The following ULK4 variants were observed in gnomAD, a reference collection of about 807,000 sequenced individuals.
ULK4 encodes inactive serine/threonine-protein kinase ULK4.
A neutral mutation model predicts 160.6 loss-of-function variants in ULK4; 133 were observed. The ratio of observed to expected loss-of-function variants is 0.83; its 90% CI spans 0.72 to 0.96. The LOEUF (loss-of-function observed/expected upper bound fraction) is 0.96, where lower values mean the gene tolerates loss of function less well. Among genes scored for constraint, ULK4 ranks in the 40% least tolerant of loss-of-function variants. The pLI is 0.00. For synonymous variants in ULK4, 534 were observed against 539.8 expected (o/e 0.99, Z 0.15); for missense variants, 1,580 against 1,499.5 (o/e 1.05, Z -0.89).
chr3:41,923,921 A>C (rs1200157214), intron 5 of ULK4, among the ~76,000 whole-genome samples: 1 of 152,194 alleles, frequency 6.6e-6, no homozygotes, highest in Admixed American at 6.5e-5. Flanking sequence ...TTATTGATTT[A>C]TATAACTTTT....
intron 21 of ULK4, among the ~76,000 whole-genome samples, chr3:41,778,115 G>C (rs1419090282): frequency 8.0e-6 from 1 of 125,110 alleles, no homozygotes; most frequent in African/African-American, 4.0e-5. Context: ...TCCTTAAGCT[G>C]ATAAGCAACT....
intron 25 of ULK4, among the ~76,000 whole-genome samples, chr3:41,709,535 C>T (rs751454862): frequency 3.3e-5 from 5 of 152,000 alleles, no homozygotes; most frequent in Admixed American, 6.6e-5. Context: ...TACAGGCGCG[C>T]GCCACCACGC....
intron 31 of ULK4, among the ~76,000 whole-genome samples, chr3:41,608,689 G>T (rs550644276): frequency 4.6e-5 from 7 of 152,250 alleles, no homozygotes; most frequent in African/African-American, 1.4e-4. Context: ...AACCAAAGTT[G>T]GCCAATGTAA....
intron 35 of ULK4, among the ~76,000 whole-genome samples, chr3:41,372,532 G>A (rs1195015036): frequency 1.3e-5 from 2 of 152,060 alleles, no homozygotes; most frequent in African/African-American, 2.4e-5. Context: ...TTCATATCCA[G>A]CCAAACTAAG....
At chr3:41,567,443 ATTTTTTT>A (rs71288055) in intron 31 of ULK4, among the ~76,000 whole-genome samples, 1 of 90,312 alleles carries the variant, frequency 1.1e-5, no homozygotes, top group Non-Finnish European at 2.1e-5. Context: ...CACTTAACAG[ATTTTTTT>A]TTTTTTTTTT....
intron 32 of ULK4, among the ~76,000 whole-genome samples, chr3:41,535,913 T>A (rs1270288862): frequency 6.6e-6 from 1 of 152,130 alleles, no homozygotes; most frequent in Non-Finnish European, 1.5e-5. Context: ...CCCACCAGAT[T>A]CACAGTCTGA....
intron 32 of ULK4, among the ~76,000 whole-genome samples, chr3:41,474,099 A>G (rs1018497747): frequency 6.6e-6 from 1 of 152,198 alleles, no homozygotes; most frequent in African/African-American, 2.4e-5. Context: ...ACACTTCCTG[A>G]TTTCAAACTA....
intron 21 of ULK4, among the ~76,000 whole-genome samples, chr3:41,773,549 C>T (rs752884484): frequency 2.6e-5 from 4 of 152,114 alleles, no homozygotes; most frequent in African/African-American, 9.7e-5. Context: ...GAACTACAAA[C>T]CACTGCTCAA....
chr3:41,935,401 T>C (rs576445614), intron 4 of ULK4, among the ~76,000 whole-genome samples: 1 of 148,530 alleles, frequency 6.7e-6, no homozygotes, highest in African/African-American at 2.5e-5. Flanking sequence ...TAAATTTGTA[T>C]TTTTTTTTTA....
chr3:41,511,242 A>T (rs1194183029), intron 32 of ULK4, among the ~76,000 whole-genome samples: 1 of 152,050 alleles, frequency 6.6e-6, no homozygotes, highest in African/African-American at 2.4e-5. Context: ...TAGAGAAACA[A>T]GAACAATTCA....
chr3:41,733,725 A>ATTTTTTTT lies in ULK4; in HGVS notation c.2322-15872_2322-15865dup, dbSNP rs778572755. Reference sequence around the variant, plus strand: ...TGCCTTGAATTCAACTAAACACATGATTTTTTTTTTTTTTTTTTTTTTTTT... The same window carrying ATTTTTTTT: ...TGCCTTGAATTCAACTAAACACATGATTTTTTTTTTTTTTTTTTTTTTTTTTTTTTTTT... On this transcript the variant is annotated intron_variant, in intron 22 of 36. Coordinates refer to ENST00000301831, the MANE Select transcript of ULK4 (RefSeq NM_017886.4). Among the ~76,000 whole-genome samples the ATTTTTTTT allele has an allele frequency of 7.8e-4, 73 of 93,598 alleles. 8 individuals carry two copies. The highest frequency in any genetic ancestry group is 4.4e-3 in the African/African-American group (71 of 15,970). The allele number at this position is 93,598 out of a possible 152,430, so 61.4% of individuals were successfully genotyped here.
At chr3:41,306,543 C>G (rs1485648986) in intron 35 of ULK4, among the ~76,000 whole-genome samples, 5 of 150,534 alleles carry the variant, frequency 3.3e-5, no homozygotes, top group Admixed American at 2.6e-4. Flanking sequence ...GCCCCCTGCC[C>G]GGCCAGCCAC....
chr3:41,582,723 G>A lies in ULK4; in HGVS notation c.3121-16593C>T, dbSNP rs73830265. 3.3e-3 allele frequency among the ~76,000 whole-genome samples: 509 copies of A among 152,298 alleles called. 3 individuals are homozygous for A. Among genetic ancestry groups the A allele is most frequent in the African/African-American group, 0.012 (486 of 41,566 alleles). ...TCTCCCTAGTTACAATAAACCAGGG[G>A]AAATATTTTCTGGAAGTTTTTAAAG... On this transcript the variant is annotated intron_variant, in intron 31 of 36. Coordinates refer to ENST00000301831, the MANE Select transcript of ULK4 (RefSeq NM_017886.4).
intron 34 of ULK4, among the ~76,000 whole-genome samples, chr3:41,419,737 C>T (rs999200362): frequency 3.9e-5 from 6 of 152,030 alleles, no homozygotes; most frequent in African/African-American, 1.2e-4. Context: ...CCCGGGGGTA[C>T]GTGCTGGGCT....
Position 41,658,527 on chromosome 3 carries a change from C to T in ULK4, c.3071+5080G>A, listed in dbSNP as rs542957377. ...TTAACTGTAGCTTTGTTTTGTAACA[C>T]CAAAAGATTAGGAAAGAACAAATAT... On this transcript the variant is annotated intron_variant, in intron 30 of 36. Coordinates refer to ENST00000301831, the MANE Select transcript of ULK4 (RefSeq NM_017886.4). 6.5e-4 allele frequency among the ~76,000 whole-genome samples: 99 copies of T among 151,980 alleles called. No individual in the cohort carries two copies. In the South Asian group the frequency reaches 0.012, roughly 19 times the overall value.
chr3:41,736,262 G>A (rs534707919), intron 22 of ULK4, among the ~76,000 whole-genome samples: 14 of 151,612 alleles, frequency 9.2e-5, no homozygotes, highest in African/African-American at 3.2e-4. Flanking sequence ...CTGAGGAATC[G>A]CCACACTGAC....
intron 3 of ULK4, chr3:41,937,891 A>ATAAT (rs1415048967): frequency 2.7e-6 from 1 of 369,706 alleles, no homozygotes; most frequent in African/African-American, 2.1e-5. Flanking sequence ...ATATAACGTA[A>ATAAT]TAATACACGA....
chr3:41,587,081 G>T (rs953333376), intron 31 of ULK4, among the ~76,000 whole-genome samples: 9 of 152,170 alleles, frequency 5.9e-5, no homozygotes, highest in Non-Finnish European at 8.8e-5. Flanking sequence ...CTCCATGGAA[G>T]AATCCTCTTC....
intron 32 of ULK4, among the ~76,000 whole-genome samples, chr3:41,498,977 AG>A (rs1350497451): frequency 6.6e-6 from 1 of 152,226 alleles, no homozygotes; most frequent in Non-Finnish European, 1.5e-5. Context: ...AATACAATAT[AG>A]TACTATTCTT....
Sources: gnomAD v4.1 joint callset for allele counts (sites outside exome capture counted in the v4.1 genomes callset) on GRCh38, gnomAD v4.1.1 for gene constraint, MANE v1.5 for transcripts, NCBI Gene and HGNC (gene_info 2026-07-23, HGNC 2026-07-21) for gene names.